Variants in INPP4B observed in about 807,000 individuals in gnomAD.
INPP4B encodes inositol polyphosphate 4-phosphatase type II.
In INPP4B, 55 loss-of-function variants were observed where a neutral mutation model predicts 122.5. The observed-to-expected ratio is 0.45, with a 90% CI of 0.36 to 0.56. INPP4B has a LOEUF of 0.56. INPP4B is among the 20% of genes least tolerant of loss of function. INPP4B has a pLI of 0.00. For missense variants in INPP4B, 1,000 were observed against 1,097.7 expected, an observed-to-expected ratio of 0.91 and a Z score of 1.26; for synonymous variants, 403 against 388.7, an observed-to-expected ratio of 1.04 and a Z score of -0.43.
chr4:142,240,852 A>C (rs895834688), intron 11 of INPP4B, among the ~76,000 whole-genome samples: 2 of 152,172 alleles, frequency 1.3e-5, no homozygotes, highest in Admixed American at 1.3e-4. Flanking sequence ...CACTGGTTAC[A>C]AAAAGAGCAA....
intron 2 of INPP4B, among the ~76,000 whole-genome samples, chr4:142,506,527 C>T (rs1824045189): frequency 6.6e-6 from 1 of 152,246 alleles, no homozygotes; most frequent in South Asian, 2.1e-4. Flanking sequence ...GCATCTGAAG[C>T]ACATGGCACC....
intron 7 of INPP4B, among the ~76,000 whole-genome samples, chr4:142,346,061 T>C (rs1265125145): frequency 1.3e-5 from 2 of 152,150 alleles, no homozygotes; most frequent in South Asian, 2.1e-4. Context: ...AACAAGGAAG[T>C]GGCATTGTAG....
chr4:142,605,773 A>C (rs561356397), intron 2 of INPP4B, among the ~76,000 whole-genome samples: 35 of 152,084 alleles, frequency 2.3e-4, no homozygotes, highest in African/African-American at 8.4e-4. Context: ...GATAATGCAG[A>C]GGAAAGAAAA....
intron 7 of INPP4B, among the ~76,000 whole-genome samples, chr4:142,330,579 A>C (rs553140368): frequency 6.6e-6 from 1 of 152,320 alleles, no homozygotes; most frequent in South Asian, 2.1e-4. Flanking sequence ...ATATTCAGTG[A>C]AGCAATTCAA....
intron 1 of INPP4B, among the ~76,000 whole-genome samples, chr4:142,796,053 CTTA>C (rs1434808480): frequency 2.6e-5 from 4 of 151,874 alleles, no homozygotes; most frequent in African/African-American, 9.7e-5. Flanking sequence ...AATAAAACCC[CTTA>C]TTGTTGAATT....
At chr4:142,382,324 C>T (rs1275666138) in intron 7 of INPP4B, among the ~76,000 whole-genome samples, 1 of 151,686 alleles carries the variant, frequency 6.6e-6, no homozygotes, top group Non-Finnish European at 1.5e-5. Flanking sequence ...GCCTGGCCAA[C>T]ATGGTGAAAT....
intron 5 of INPP4B, among the ~76,000 whole-genome samples, chr4:142,411,629 T>C (rs1804614112): frequency 6.6e-6 from 1 of 152,108 alleles, no homozygotes; most frequent in Non-Finnish European, 1.5e-5. Flanking sequence ...CAGTGGCTAA[T>C]GCCTGTAATC....
rs936477440 is a variant in INPP4B, at chr4:142,702,059, T to G, written c.-191+23780A>C. 3.9e-5 allele frequency among the ~76,000 whole-genome samples: 6 copies of G among 152,314 alleles called. No individual in the cohort carries two copies. In the East Asian group the frequency reaches 1.2e-3, roughly 29 times the overall value. On this transcript the variant is annotated intron_variant, in intron 2 of 25. Coordinates refer to ENST00000262992, the MANE Select transcript of INPP4B (RefSeq NM_001101669.3). Reference sequence around the variant, plus strand: ...AAGCTTAGCCAAGTCAAGCCTAAGTTAGGAGCCTGAGCAATCTGTTAGCAG... The same window carrying G: ...AAGCTTAGCCAAGTCAAGCCTAAGTGAGGAGCCTGAGCAATCTGTTAGCAG...
At chr4:142,554,678 G>T (rs920578561) in intron 2 of INPP4B, among the ~76,000 whole-genome samples, 1 of 152,276 alleles carries the variant, frequency 6.6e-6, no homozygotes, top group African/African-American at 2.4e-5. Flanking sequence ...CTCACTAATG[G>T]ATTTTAGTAA....
At chr4:142,051,278 A>C (rs1333089119) in intron 25 of INPP4B, among the ~76,000 whole-genome samples, 1 of 152,014 alleles carries the variant, frequency 6.6e-6, no homozygotes, top group Non-Finnish European at 1.5e-5. Flanking sequence ...TTTATCATCT[A>C]CTGGCTAAAA....
intron 11 of INPP4B, 45 bp from the exon 12 acceptor site, chr4:142,238,056 C>CG (rs1339783794): frequency 1.0e-6 from 1 of 981,994 alleles, no homozygotes; most frequent in Non-Finnish European, 1.5e-6. Flanking sequence ...TAAGCAAATG[C>CG]ATGTCAGGTG....
At chr4:142,280,073 A>G (rs1174332209) in intron 9 of INPP4B, among the ~76,000 whole-genome samples, 3 of 151,884 alleles carry the variant, frequency 2.0e-5, no homozygotes, top group African/African-American at 7.2e-5. Context: ...CACCCTTACA[A>G]TGGCTGGCAA....
rs75186722 is a variant in INPP4B at position 142,676,472 on chromosome 4, C to G, written c.-191+49367G>C. Among the ~76,000 whole-genome samples the G allele has an allele frequency of 2.6e-5, 4 of 152,190 alleles. No individual in the cohort carries two copies. In the South Asian group the frequency reaches 8.3e-4, roughly 32 times the overall value. Reference sequence around the variant, plus strand: ...AACAAGCTACCATTCACTTTCTTCACAGAATTGGAAAAAACTACTTTAAAT... The same window carrying G: ...AACAAGCTACCATTCACTTTCTTCAGAGAATTGGAAAAAACTACTTTAAAT... On this transcript the variant is annotated intron_variant, in intron 2 of 25. Coordinates refer to ENST00000262992, the MANE Select transcript of INPP4B (RefSeq NM_001101669.3).
At chr4:142,598,161 T>C (rs143761138) in intron 2 of INPP4B, among the ~76,000 whole-genome samples, 229 of 152,262 alleles carry the variant, frequency 1.5e-3, no homozygotes, top group Non-Finnish European at 2.8e-3. Context: ...GCCAGCTCAG[T>C]TGATATTGGC....
At chr4:142,705,534 A>G (rs913254584) in intron 2 of INPP4B, among the ~76,000 whole-genome samples, 2 of 151,548 alleles carry the variant, frequency 1.3e-5, no homozygotes, top group Non-Finnish European at 2.9e-5. Context: ...CCAAGAGTAG[A>G]TTACTTCTCT....
chr4:142,407,566 G>A (rs1562032326), intron 5 of INPP4B, among the ~76,000 whole-genome samples: 1 of 152,082 alleles, frequency 6.6e-6, no homozygotes, highest in Non-Finnish European at 1.5e-5. Flanking sequence ...AAATAATGAT[G>A]ATGCTTTGTA....
chr4:142,333,008 CTCAAAAAAAAAAAAAAAA>C (rs1437680736), intron 7 of INPP4B, among the ~76,000 whole-genome samples: 2 of 108,742 alleles, frequency 1.8e-5, no homozygotes, highest in Non-Finnish European at 3.5e-5. Context: ...AAGACTCCGT[CTCAAAAAAAAAAAAAAAA>C]ACAAAAAAAA....
chr4:142,643,868 A>T (rs1751118467), intron 2 of INPP4B, among the ~76,000 whole-genome samples: 1 of 152,180 alleles, frequency 6.6e-6, no homozygotes, highest in African/African-American at 2.4e-5. Context: ...GATCAAGAAA[A>T]CTGAAACAAT....
chr4:142,563,529 A>G (rs1730909279), intron 2 of INPP4B, among the ~76,000 whole-genome samples: 1 of 152,232 alleles, frequency 6.6e-6, no homozygotes, highest in South Asian at 2.1e-4. Context: ...AATCCAGTTT[A>G]TAGTTACACT....
Sources: allele counts gnomAD v4.1 joint callset (sites outside exome capture counted in the v4.1 genomes callset), GRCh38; gene constraint gnomAD v4.1.1; transcripts MANE v1.5; gene names NCBI Gene and HGNC (gene_info 2026-07-23, HGNC 2026-07-21).